The following JAZF1 variants were observed in gnomAD, a reference collection of about 807,000 sequenced individuals.
JAZF1 encodes juxtaposed with another zinc finger protein 1.
In JAZF1, 8 loss-of-function variants were observed where a neutral mutation model predicts 26.4. The ratio of observed to expected loss-of-function variants is 0.30; its 90% CI spans 0.18 to 0.55. JAZF1 has a LOEUF of 0.55. Ranked by LOEUF, JAZF1 falls within the 20% of genes least tolerant of loss-of-function variation. JAZF1 has a pLI of 0.94. For missense variants in JAZF1, 199 were observed against 322.0 expected, an observed-to-expected ratio of 0.62 and a Z score of 2.92; for synonymous variants, 126 against 122.3, an observed-to-expected ratio of 1.03 and a Z score of -0.20.
chr7:28,170,398 T>G (rs1783443273), intron 1 of JAZF1, among the ~76,000 whole-genome samples: 1 of 129,828 alleles, frequency 7.7e-6, no homozygotes, highest in Admixed American at 7.7e-5. Flanking sequence ...TGTGTGTATG[T>G]GTGTATGTGT....
At chr7:28,034,469 T>TATACACACACAC (rs1554283294) in intron 1 of JAZF1, among the ~76,000 whole-genome samples, 1 of 145,290 alleles carries the variant, frequency 6.9e-6, no homozygotes, top group Admixed American at 6.9e-5. Context: ...AGAAAACTAA[T>TATACACACACAC]ACACACACAC....
intron 2 of JAZF1, among the ~76,000 whole-genome samples, chr7:27,920,118 A>G (rs1481378274): frequency 6.6e-6 from 1 of 152,192 alleles, no homozygotes; most frequent in African/African-American, 2.4e-5. Flanking sequence ...TATTAAAGGC[A>G]CTATGGTGAT....
intron 4 of JAZF1, among the ~76,000 whole-genome samples, chr7:27,838,008 CTTTTT>C (rs34890301): frequency 7.0e-6 from 1 of 143,594 alleles, no homozygotes; most frequent in Non-Finnish European, 1.5e-5. Flanking sequence ...CTTTGTCTGC[CTTTTT>C]TTTTTTTTTC....
intron 1 of JAZF1, among the ~76,000 whole-genome samples, chr7:28,058,619 A>G (rs1300236752): frequency 1.3e-5 from 2 of 152,138 alleles, no homozygotes; most frequent in Admixed American, 1.3e-4. Context: ...TCTTCAATAC[A>G]TTTCTAAGTA....
chr7:27,837,989 C>G (rs1216819056), intron 4 of JAZF1, among the ~76,000 whole-genome samples: 1 of 151,000 alleles, frequency 6.6e-6, no homozygotes, highest in Non-Finnish European at 1.5e-5. Flanking sequence ...AGCTAATACA[C>G]TAACAGGACT....
chr7:27,868,993 C>T lies in JAZF1; in HGVS notation c.385+26227G>A, dbSNP rs188358572. ...CTTTCCTCCACTCTTGTCCTTTGTTCATTCAACTTCAGGGCCTCTCTGGAT... is the reference window on the plus strand; with the variant it reads ...CTTTCCTCCACTCTTGTCCTTTGTTTATTCAACTTCAGGGCCTCTCTGGAT... On this transcript the variant is annotated intron_variant, in intron 3 of 4. Coordinates refer to ENST00000283928, the MANE Select transcript of JAZF1 (RefSeq NM_175061.4). Among the ~76,000 whole-genome samples, 249 of 152,252 alleles carry T rather than the reference C, an allele frequency of 1.6e-3. 3 individuals carry two copies. Among genetic ancestry groups the T allele is most frequent in the Middle Eastern group, 6.8e-3 (2 of 294 alleles).
chr7:27,880,496 G>A (rs139977249), intron 3 of JAZF1, among the ~76,000 whole-genome samples: 4 of 151,714 alleles, frequency 2.6e-5, no homozygotes, highest in African/African-American at 7.2e-5. Context: ...AGCCAGGCGC[G>A]GTGGCGGGTG....
At chr7:28,168,380 CAA>C (rs11301939) in intron 1 of JAZF1, among the ~76,000 whole-genome samples, 2,184 of 71,214 alleles carry the variant, frequency 0.031, 3 homozygotes, top group Middle Eastern at 0.047. Context: ...GACTCCGTCT[CAA>C]AAAAAAAAAA....
At chr7:27,996,309 G>C (rs1338719043) in intron 1 of JAZF1, among the ~76,000 whole-genome samples, 6 of 152,212 alleles carry the variant, frequency 3.9e-5, no homozygotes, top group Non-Finnish European at 7.3e-5. Context: ...TCGCAGGCTG[G>C]GAGGTAGCAG....
chr7:28,130,419 T>C (rs1198200299), intron 1 of JAZF1, among the ~76,000 whole-genome samples: 1 of 152,192 alleles, frequency 6.6e-6, no homozygotes, highest in Non-Finnish European at 1.5e-5. Context: ...TTTCACAGAA[T>C]GCACTCATCA....
intron 1 of JAZF1, among the ~76,000 whole-genome samples, chr7:28,097,456 T>C (rs750013279): frequency 1.1e-4 from 17 of 152,274 alleles, no homozygotes; most frequent in Non-Finnish European, 2.2e-4. Context: ...AGCCTTTTAC[T>C]AAGCCCTGTA....
chr7:27,956,650 A>G (rs1293310868), intron 2 of JAZF1, among the ~76,000 whole-genome samples: 1 of 152,136 alleles, frequency 6.6e-6, no homozygotes, highest in Non-Finnish European at 1.5e-5. Context: ...AAAGGGCCCT[A>G]TGTGGTAGGG....
chr7:27,870,754 C>A (rs764572966), intron 3 of JAZF1, among the ~76,000 whole-genome samples: 1 of 152,146 alleles, frequency 6.6e-6, no homozygotes, highest in African/African-American at 2.4e-5. Flanking sequence ...GGGAAACCAG[C>A]ATTTGCAAGC....
intron 1 of JAZF1, among the ~76,000 whole-genome samples, chr7:28,177,774 C>T (rs1783570919): frequency 1.3e-5 from 2 of 152,070 alleles, no homozygotes; most frequent in Admixed American, 6.5e-5. Context: ...CGATAAATAC[C>T]ACATAACAAT....
At chr7:27,835,708 A>G (rs1782793648) in intron 4 of JAZF1, among the ~76,000 whole-genome samples, 1 of 152,220 alleles carries the variant, frequency 6.6e-6, no homozygotes, top group African/African-American at 2.4e-5. Context: ...CCATCCAGCC[A>G]TTCAGTTACA....
chr7:27,922,586 A>G (rs548763123), intron 2 of JAZF1, among the ~76,000 whole-genome samples: 23 of 152,168 alleles, frequency 1.5e-4, no homozygotes, highest in Non-Finnish European at 2.4e-4. Context: ...ATAACCAAAT[A>G]ACTTAAAGTC....
At chr7:28,097,680 C>T (rs1401043022) in intron 1 of JAZF1, among the ~76,000 whole-genome samples, 1 of 152,030 alleles carries the variant, frequency 6.6e-6, no homozygotes, top group Non-Finnish European at 1.5e-5. Flanking sequence ...GTCAGCAAGT[C>T]CTTTGGGAGG....
At chr7:27,946,502 T>TC (rs1784926229) in intron 2 of JAZF1, among the ~76,000 whole-genome samples, 1 of 152,138 alleles carries the variant, frequency 6.6e-6, no homozygotes, top group African/African-American at 2.4e-5. Flanking sequence ...TCTCCATGAT[T>TC]CCCCCAATGA....
intron 4 of JAZF1, among the ~76,000 whole-genome samples, chr7:27,833,883 TAGTA>T (rs1327125321): frequency 2.0e-5 from 3 of 152,166 alleles, no homozygotes; most frequent in South Asian, 2.1e-4. Flanking sequence ...GGCTTGAGGG[TAGTA>T]AGTAACTGGT....
Sources: allele counts gnomAD v4.1 joint callset (sites outside exome capture counted in the v4.1 genomes callset), GRCh38; gene constraint gnomAD v4.1.1; transcripts MANE v1.5; gene names NCBI Gene and HGNC (gene_info 2026-07-23, HGNC 2026-07-21).